The following PRKAR1A variants were observed in gnomAD, a reference collection of about 807,000 sequenced individuals.
The protein encoded by PRKAR1A is protein kinase cAMP-dependent type I regulatory subunit alpha.
Under a neutral mutation model 52.0 loss-of-function variants are expected in PRKAR1A, and 3 were observed. The ratio of observed to expected loss-of-function variants is 0.06; its 90% CI spans 0.03 to 0.15. PRKAR1A has a LOEUF of 0.15. PRKAR1A is among the 10% of genes least tolerant of loss of function. PRKAR1A has a pLI of 1.00. For missense variants in PRKAR1A, 240 were observed against 477.4 expected, an observed-to-expected ratio of 0.50 and a Z score of 4.63; for synonymous variants, 188 against 168.4, an observed-to-expected ratio of 1.12 and a Z score of -0.90.
At chr17:68,472,236 C>T in the PRKAR1A span, among the ~76,000 whole-genome samples, 1 of 152,180 alleles carries the variant, frequency 6.6e-6, no homozygotes, top group South Asian at 2.1e-4. Flanking sequence ...TAAGGCCATT[C>T]AGGATGGCTC....
chr17:68,453,011 G>A, the PRKAR1A span: 1 of 1,595,726 alleles, frequency 6.3e-7, no homozygotes, highest in African/African-American at 1.3e-5. Flanking sequence ...GATAATGACA[G>A]CATGGGAATA....
chr17:68,490,822 C>T, the PRKAR1A span, among the ~76,000 whole-genome samples: 1 of 152,150 alleles, frequency 6.6e-6, no homozygotes, highest in Admixed American at 6.5e-5. Context: ...CCCTTGGCCC[C>T]ATCTCGTCAC....
At chr17:68,543,657 C>T (rs904984146) in intron 11 of PRKAR1A, 2 of 1,614,012 alleles carry the variant, frequency 1.2e-6, no homozygotes, top group Admixed American at 1.7e-5. Flanking sequence ...GCGATCTCAG[C>T]ATTGTGTCTC....
chr17:68,443,386 T>C, the PRKAR1A span, among the ~76,000 whole-genome samples: 1 of 152,198 alleles, frequency 6.6e-6, no homozygotes, highest in Non-Finnish European at 1.5e-5. Context: ...GTGCTGCGAT[T>C]ATAGGTGTGA....
chr17:68,504,295 T>C, the PRKAR1A span, among the ~76,000 whole-genome samples: 1 of 145,262 alleles, frequency 6.9e-6, no homozygotes, highest in Admixed American at 6.8e-5. Flanking sequence ...TGAAACCCCA[T>C]CTCTACTAAA....
the PRKAR1A span, among the ~76,000 whole-genome samples, chr17:68,441,669 T>C: frequency 6.6e-4 from 101 of 152,120 alleles, 1 homozygote; most frequent in African/African-American, 2.3e-3. Flanking sequence ...GCGGAGTGAG[T>C]CTGACTGCCC....
the PRKAR1A span, among the ~76,000 whole-genome samples, chr17:68,490,601 T>C: frequency 6.6e-6 from 1 of 152,140 alleles, no homozygotes; most frequent in African/African-American, 2.4e-5. Flanking sequence ...CTTTTTTTTT[T>C]CTTAAGGTTT....
the PRKAR1A span, among the ~76,000 whole-genome samples, chr17:68,429,745 T>C: frequency 2.0e-5 from 3 of 152,038 alleles, no homozygotes; most frequent in Non-Finnish European, 4.4e-5. Context: ...CGCACCACCA[T>C]ACCCGGCTAA....
chr17:68,506,178 C>A, the PRKAR1A span, among the ~76,000 whole-genome samples: 1 of 151,992 alleles, frequency 6.6e-6, no homozygotes, highest in African/African-American at 2.4e-5. Context: ...TGCCCCTCCC[C>A]CCTACCACAG....
chr17:68,484,162 G>A, the PRKAR1A span, among the ~76,000 whole-genome samples: 1 of 152,154 alleles, frequency 6.6e-6, no homozygotes, highest in Non-Finnish European at 1.5e-5. Context: ...AAACTATAGA[G>A]TAATATGGGG....
the PRKAR1A span, among the ~76,000 whole-genome samples, chr17:68,496,456 G>A: frequency 2.6e-5 from 4 of 152,068 alleles, no homozygotes; most frequent in African/African-American, 4.8e-5. Flanking sequence ...TGATTACACC[G>A]GCCACGTCCA....
downstream of PRKAR1A, chr17:68,535,345 G>A (rs897201162): frequency 3.3e-5 from 15 of 454,028 alleles, no homozygotes; most frequent in African/African-American, 2.8e-4. Flanking sequence ...TTTGTAGAGT[G>A]CAGCAAAATG....
At chr17:68,502,963 C>T in the PRKAR1A span, among the ~76,000 whole-genome samples, 8 of 152,196 alleles carry the variant, frequency 5.3e-5, no homozygotes, top group South Asian at 8.3e-4. Context: ...AAAATATAGA[C>T]TTTATTGGTC....
intron 11 of PRKAR1A, chr17:68,539,541 C>G (rs2086198343): frequency 1.3e-6 from 1 of 757,076 alleles, no homozygotes; most frequent in Non-Finnish European, 2.3e-6. Context: ...AGCCCCTCTC[C>G]CCAGTCAGAT....
At chr17:68,495,974 C>T in the PRKAR1A span, among the ~76,000 whole-genome samples, 1 of 6,660 alleles carries the variant, frequency 1.5e-4, no homozygotes. Flanking sequence ...CTCCTCTCCT[C>T]TCTCCTCTCC....
At chr17:68,446,717 C>G in the PRKAR1A span, among the ~76,000 whole-genome samples, 1 of 152,188 alleles carries the variant, frequency 6.6e-6, no homozygotes, top group Non-Finnish European at 1.5e-5. Context: ...CCTCCCAGCC[C>G]CACACCCAAT....
At chr17:68,421,240 T>C in the PRKAR1A span, 2 of 149,272 alleles carry the variant, frequency 1.3e-5, no homozygotes, top group Non-Finnish European at 3.0e-5. Context: ...CTGTCCCCTA[T>C]AACCACAAGG....
At chr17:68,489,183 A>G in the PRKAR1A span, among the ~76,000 whole-genome samples, 1 of 46,970 alleles carries the variant, frequency 2.1e-5, no homozygotes, top group Non-Finnish European at 3.9e-5. Flanking sequence ...CCCATCTTGG[A>G]AAGTATATAT....
chr17:68,480,923 T>C, the PRKAR1A span, among the ~76,000 whole-genome samples: 2 of 152,208 alleles, frequency 1.3e-5, no homozygotes, highest in Non-Finnish European at 2.9e-5. Context: ...AGTCCTCAGT[T>C]TTATTCAGGA....
Sources: gnomAD v4.1 joint callset for allele counts (sites outside exome capture counted in the v4.1 genomes callset) on GRCh38, gnomAD v4.1.1 for gene constraint, MANE v1.5 for transcripts, NCBI Gene and HGNC (gene_info 2026-07-23, HGNC 2026-07-21) for gene names.